Variants in HDAC9 observed in about 807,000 individuals in gnomAD.
HDAC9 encodes histone deacetylase 9.
HDAC9 carries 41 observed loss-of-function variants against 139.4 expected under a neutral mutation model. The ratio of observed to expected loss-of-function variants is 0.29; its 90% CI spans 0.23 to 0.38. The LOEUF (loss-of-function observed/expected upper bound fraction) is 0.38, where lower values mean the gene tolerates loss of function less well. Ranked by LOEUF, HDAC9 falls within the 10% of genes least tolerant of loss-of-function variation. The probability of loss-of-function intolerance (pLI) is 1.00; values close to 1 mark genes in which losing one functional copy is unlikely to be tolerated. For missense variants in HDAC9, 1,147 were observed against 1,297.0 expected (o/e 0.88, Z 1.78); for synonymous variants, 517 against 476.2 (o/e 1.09, Z -1.12).
chr7:18,664,536 T>A (rs1441037434), intron 11 of HDAC9, among the ~76,000 whole-genome samples: 1 of 152,132 alleles, frequency 6.6e-6, no homozygotes, highest in African/African-American at 2.4e-5. Context: ...CCACTAGCCT[T>A]TTGGTGACTT....
At chr7:18,212,813 T>C (rs1412391532) in intron 2 of HDAC9, among the ~76,000 whole-genome samples, 1 of 152,200 alleles carries the variant, frequency 6.6e-6, no homozygotes, top group African/African-American at 2.4e-5. Flanking sequence ...CACATAAACC[T>C]TTTCCTAATC....
At chr7:18,352,303 C>T (rs2128675527) in intron 1 of HDAC9, among the ~76,000 whole-genome samples, 1 of 152,148 alleles carries the variant, frequency 6.6e-6, no homozygotes, top group South Asian at 2.1e-4. Context: ...TATTTTCAAA[C>T]AAAATGAAGT....
intron 6 of HDAC9, among the ~76,000 whole-genome samples, chr7:18,624,002 T>C (rs1243207243): frequency 1.3e-5 from 2 of 152,242 alleles, no homozygotes; most frequent in Admixed American, 1.3e-4. Context: ...TCCTGTGTGC[T>C]TCTACACAAG....
chr7:18,719,830 G>C (rs1230165246), intron 12 of HDAC9, among the ~76,000 whole-genome samples: 1 of 152,178 alleles, frequency 6.6e-6, no homozygotes, highest in Admixed American at 6.5e-5. Context: ...GCGAAAATGC[G>C]ATGGTGGTTA....
intron 1 of HDAC9, among the ~76,000 whole-genome samples, chr7:18,478,110 C>T (rs959639176): frequency 1.3e-5 from 2 of 151,538 alleles, no homozygotes; most frequent in African/African-American, 2.4e-5. Context: ...CTTGCTCTGT[C>T]GCCCAGGCTG....
intron 12 of HDAC9, among the ~76,000 whole-genome samples, chr7:18,726,227 A>G: frequency 6.6e-6 from 1 of 152,184 alleles, no homozygotes; most frequent in East Asian, 1.9e-4. Context: ...TTGTATACAG[A>G]TTTGTTAGCT....
In HDAC9 at chr7:18,474,930, CT is replaced by C. The variant is rs571219693; in HGVS notation, c.-41-21330del. Among the ~76,000 whole-genome samples the C allele has an allele frequency of 3.6e-3, 555 of 152,108 alleles. 1 individual carries two copies. The highest frequency in any genetic ancestry group is 5.9e-3 in the Admixed American group (90 of 15,268). ...AGGAAAGAGAAATCTATAAAGACACCTTGTATGGATGTTGCTGATGTCACTT... is the reference window on the plus strand; with the variant it reads ...AGGAAAGAGAAATCTATAAAGACACCTGTATGGATGTTGCTGATGTCACTT... On this transcript the variant is annotated intron_variant, in intron 1 of 3. Coordinates refer to the HDAC9 transcript ENST00000413509.
At chr7:18,417,942 C>A (rs1219298764) in intron 1 of HDAC9, among the ~76,000 whole-genome samples, 2 of 152,148 alleles carry the variant, frequency 1.3e-5, no homozygotes, top group Non-Finnish European at 2.9e-5. Flanking sequence ...GCTTTATTGT[C>A]CCTGAAATCT....
intron 8 of HDAC9, among the ~76,000 whole-genome samples, chr7:18,635,969 A>G (rs1327916089): frequency 1.3e-5 from 2 of 152,140 alleles, no homozygotes; most frequent in African/African-American, 2.4e-5. Flanking sequence ...ACAATATGAT[A>G]TGTATAATAA....
chr7:18,748,161 A>C (rs1053771019), intron 13 of HDAC9, among the ~76,000 whole-genome samples: 1 of 152,200 alleles, frequency 6.6e-6, no homozygotes, highest in African/African-American at 2.4e-5. Flanking sequence ...CAGAGTTATA[A>C]TTATCATCTA....
chr7:18,274,471 C>G (rs1318054511), intron 2 of HDAC9, among the ~76,000 whole-genome samples: 2 of 152,076 alleles, frequency 1.3e-5, no homozygotes, highest in Non-Finnish European at 2.9e-5. Flanking sequence ...ACTCACTCAC[C>G]CCCAAGAGAA....
At chr7:18,725,195 A>G (rs937995267) in intron 12 of HDAC9, among the ~76,000 whole-genome samples, 2 of 152,178 alleles carry the variant, frequency 1.3e-5, no homozygotes, top group Non-Finnish European at 2.9e-5. Flanking sequence ...TCAGAAAAAA[A>G]TGAATCTAAT....
intron 2 of HDAC9, among the ~76,000 whole-genome samples, chr7:18,189,959 G>C (rs1320527431): frequency 6.6e-6 from 1 of 151,852 alleles, no homozygotes; most frequent in Non-Finnish European, 1.5e-5. Context: ...GTACGTTTGA[G>C]ACAGAGTTTT....
chr7:18,687,145 C>T (rs536259480), intron 12 of HDAC9, among the ~76,000 whole-genome samples: 1 of 151,812 alleles, frequency 6.6e-6, no homozygotes, highest in South Asian at 2.1e-4. Context: ...GCTTTCTAAT[C>T]CTATCAAAAT....
intron 25 of HDAC9, among the ~76,000 whole-genome samples, chr7:18,980,971 G>A (rs1238807872): frequency 4.6e-5 from 7 of 151,676 alleles, no homozygotes; most frequent in East Asian, 1.9e-4. Flanking sequence ...CTACAGGCAC[G>A]TGCCACCATG....
chr7:18,787,173 G>A (rs2520364), intron 16 of HDAC9, among the ~76,000 whole-genome samples: 1,753 of 152,152 alleles, frequency 0.012, 26 homozygotes, highest in African/African-American at 0.04. Context: ...GAATCTCAAT[G>A]AGAGATTCTG....
intron 12 of HDAC9, among the ~76,000 whole-genome samples, chr7:18,712,529 G>C (rs1018458199): frequency 6.6e-6 from 1 of 152,168 alleles, no homozygotes; most frequent in Non-Finnish European, 1.5e-5. Context: ...AACAAGCTTA[G>C]TTAACATCTA....
At chr7:18,123,235 C>T (rs1378068268) in intron 1 of HDAC9, among the ~76,000 whole-genome samples, 2 of 152,094 alleles carry the variant, frequency 1.3e-5, no homozygotes, top group African/African-American at 4.8e-5. Context: ...GCTATTTTAT[C>T]TAAAATGGTA....
chr7:18,496,135 G>T (rs767764647), intron 1 of HDAC9, 112 bp downstream of exon 1: 424 of 1,395,700 alleles, frequency 3.0e-4, no homozygotes, highest in Non-Finnish European at 3.8e-4. Flanking sequence ...AGGGAGGAGG[G>T]AGAACCAGCG....
Sources: allele counts gnomAD v4.1 joint callset (sites outside exome capture counted in the v4.1 genomes callset), GRCh38; gene constraint gnomAD v4.1.1; transcripts MANE v1.5; gene names NCBI Gene and HGNC (gene_info 2026-07-23, HGNC 2026-07-21).